The following BRF1 variants were observed in gnomAD, a reference collection of about 807,000 sequenced individuals.
BRF1 encodes BRF1 general transcription factor IIIB subunit, also known as transcription factor IIIB 90 kDa subunit.
BRF1 carries 59 observed loss-of-function variants against 81.7 expected under a neutral mutation model. That is an observed-to-expected ratio of 0.72 (90% CI 0.59 to 0.90). BRF1 has a LOEUF of 0.90. Among genes scored for constraint, BRF1 ranks in the 40% least tolerant of loss-of-function variants. The pLI, the probability that BRF1 is intolerant of heterozygous loss-of-function variation, is 0.00. For synonymous variants in BRF1, 491 were observed against 395.6 expected, an observed-to-expected ratio of 1.24 and a Z score of -2.86; for missense variants, 1,050 against 936.3, an observed-to-expected ratio of 1.12 and a Z score of -1.58.
At chr14:105,224,432 T>C (rs1172950250) in intron 10 of BRF1, among the ~76,000 whole-genome samples, 1 of 152,194 alleles carries the variant, frequency 6.6e-6, no homozygotes, top group Non-Finnish European at 1.5e-5. Flanking sequence ...CAATGGGATA[T>C]GTCCACCCTG....
intron 2 of BRF1, among the ~76,000 whole-genome samples, chr14:105,281,210 G>A (rs1353746810): frequency 7.0e-6 from 1 of 143,328 alleles, no homozygotes; most frequent in African/African-American, 2.6e-5. Flanking sequence ...GCCCGGGTGT[G>A]TGGATACAGC....
rs1051670572 is a variant in BRF1, at chr14:105,315,116, C to T, written c.-162+206G>A. The T allele has an allele frequency of 1.8e-5, 16 of 905,986 alleles. No homozygotes were observed. The highest frequency in any genetic ancestry group is 1.9e-5 in the Non-Finnish European group (14 of 746,006). 56.1% of individuals were successfully genotyped at this position (905,986 alleles called of 1,614,324 possible). On this transcript the variant is annotated intron_variant, in intron 1 of 17. Coordinates refer to the BRF1 transcript ENST00000327359. The surrounding 1 kb of genome is among the most constrained non-coding windows in gnomAD (Gnocchi z 4.4). ...TGGCCGCGGCCTCTGCGCGCCCCATCCCCGGCCCGGGTCCCCCAGCGGAGC... is the reference window on the plus strand; with the variant it reads ...TGGCCGCGGCCTCTGCGCGCCCCATTCCCGGCCCGGGTCCCCCAGCGGAGC...
chr14:105,303,667 C>G (rs2058098016), upstream of BRF1, among the ~76,000 whole-genome samples: 1 of 152,204 alleles, frequency 6.6e-6, no homozygotes, highest in East Asian at 1.9e-4. Flanking sequence ...CTGCACATTT[C>G]AATGTGCTGT....
At chr14:105,300,324 A>G in intron 1 of BRF1, 122 bp downstream of exon 1, 1 of 1,155,990 alleles carries the variant, frequency 8.7e-7, no homozygotes, top group Non-Finnish European at 1.1e-6. Context: ...CAGACGGCGC[A>G]GAACCGCGCG....
At chr14:105,264,211 C>T (rs995543742) in intron 3 of BRF1, among the ~76,000 whole-genome samples, 66 of 152,154 alleles carry the variant, frequency 4.3e-4, no homozygotes, top group African/African-American at 1.5e-3. Context: ...TGGCTCACAT[C>T]TATAATCCTA....
In BRF1 at chr14:105,210,834, TCC is replaced by T. The variant is rs1422140714; in HGVS notation, c.1997-248_1997-247del. Reference sequence around the variant, plus strand: ...GCAGTGTGGGCTCCCTCAGCCTCCCTCCCTGGGTGTGCAGGTCCGTGGTGGTG... The same window carrying T: ...GCAGTGTGGGCTCCCTCAGCCTCCCTCTGGGTGTGCAGGTCCGTGGTGGTG... On this transcript the variant is annotated intron_variant, in intron 17 of 17. Transcript: ENST00000547530. The surrounding 1 kb of genome is among the most constrained non-coding windows in gnomAD (Gnocchi z 4.7). Among the ~76,000 whole-genome samples, 1 of 152,028 alleles carries T rather than the reference TCC, an allele frequency of 6.6e-6. No homozygotes were observed. The highest frequency in any genetic ancestry group is 1.5e-5 in the Non-Finnish European group (1 of 68,004).
At chr14:105,291,257 G>A (rs751337324) in intron 1 of BRF1, among the ~76,000 whole-genome samples, 2 of 152,174 alleles carry the variant, frequency 1.3e-5, no homozygotes, top group African/African-American at 2.4e-5. Flanking sequence ...CCATACCGCC[G>A]AACAGACAGA....
intron 5 of BRF1, among the ~76,000 whole-genome samples, chr14:105,242,769 C>T (rs10162524): frequency 0.24 from 32,781 of 135,568 alleles, 4,353 homozygotes; most frequent in Middle Eastern, 0.3. Context: ...AAAAAAGATA[C>T]GCTTATAGAC....
intron 2 of BRF1, among the ~76,000 whole-genome samples, chr14:105,273,507 T>G (rs587749527): frequency 6.6e-6 from 1 of 152,246 alleles, no homozygotes; most frequent in East Asian, 1.9e-4. Flanking sequence ...TTACTGTGTC[T>G]ATGCAGAAAG....
chr14:105,228,806 T>C lies in BRF1; in HGVS notation c.788+14A>G. The stretch of plus-strand genomic sequence containing the variant: ...CTCTGTGTGGTCCCCATGCCATGAA[T>C]GAGAGCCCCTCACCTCTTCCGCAGC... On this transcript the variant is annotated intron_variant, in intron 7 of 17. Coordinates refer to ENST00000547530, the MANE Select transcript of BRF1 (RefSeq NM_001519.4). The C allele has an allele frequency of 1.9e-6, 3 of 1,613,154 alleles. No individual in the cohort carries two copies. The highest frequency in any genetic ancestry group is 2.5e-6 in the Non-Finnish European group (3 of 1,179,468).
intron 1 of BRF1, among the ~76,000 whole-genome samples, chr14:105,292,753 G>A (rs1595481285): frequency 6.6e-6 from 1 of 152,112 alleles, no homozygotes; most frequent in Non-Finnish European, 1.5e-5. Context: ...AAGCACGGCA[G>A]CCCACACCCC....
At position 105,309,776 on chromosome 14, in the gene BRF1, CTTTTTTTTTTT is replaced by C. The variant is rs928875653; in HGVS notation, c.-162+5535_-162+5545del. ...TTAAGGAGAAGGTGGTGATGTGTGT[CTTTTTTTTTTT>C]TTTTTTTTTTTTTTTTTAGACGGAG... On this transcript the variant is annotated intron_variant, in intron 1 of 17. Coordinates refer to the BRF1 transcript ENST00000327359. This position sits in a 1 kb window ranked among gnomAD's most constrained non-coding sequence, Gnocchi z 4.0. 1.1e-5 allele frequency among the ~76,000 whole-genome samples: 1 copy of C among 89,210 alleles called. No individual in the cohort carries two copies. The highest frequency in any genetic ancestry group is 2.1e-5 in the Non-Finnish European group (1 of 48,282). 58.5% of individuals were successfully genotyped at this position (89,210 alleles called of 152,430 possible). A position where few individuals can be genotyped will look rare whatever the true frequency, so the allele number is the denominator to read the frequency against.
chr14:105,211,062 G>A (rs994403080), intron 17 of BRF1, 60 bp downstream of exon 17: 10 of 1,591,450 alleles, frequency 6.3e-6, no homozygotes, highest in East Asian at 4.5e-5. Context: ...GGATCATGAG[G>A]GGCAGTAGCT....
At chr14:105,248,563 ACGGGCTCGGGCGGG>A (rs1452837791) in intron 5 of BRF1, 4 of 263,628 alleles carry the variant, frequency 1.5e-5, no homozygotes, top group African/African-American at 5.0e-5. Context: ...CGCGGCGGGT[ACGGGCTCGGGCGGG>A]CGGGCGGGCG....
chr14:105,254,502 C>T (rs2055770730), intron 4 of BRF1, among the ~76,000 whole-genome samples: 1 of 152,140 alleles, frequency 6.6e-6, no homozygotes, highest in South Asian at 2.1e-4. Flanking sequence ...CCTGATCTGC[C>T]CGCCTCGGCC....
chr14:105,262,149 A>G (rs942584770), intron 3 of BRF1, among the ~76,000 whole-genome samples: 1 of 152,194 alleles, frequency 6.6e-6, no homozygotes, highest in Non-Finnish European at 1.5e-5. Flanking sequence ...GGCCCCGCAC[A>G]TGCCTGGACG....
chr14:105,226,636 G>C lies in BRF1; in HGVS notation c.913C>G (p.Gln305Glu). The C allele has an allele frequency of 1.9e-6, 3 of 1,613,040 alleles. No homozygotes were observed. Among genetic ancestry groups the C allele is most frequent in the South Asian group, 1.1e-5 (1 of 91,086 alleles). The part of the protein sequence containing the change: ...TAGQRKLRMK[Q>E]LEQVLSKKLE... The stretch of plus-strand genomic sequence containing the variant: ...ACAGACACCAAAGCCGGCGCTACCT[G>C]CTTCATCCGCAGCTTCCTCTGCCCA... Residue 305 changes from glutamine (Q) to glutamate (E), a missense_variant and splice_region_variant, in exon 8 of 18, where the codon CAG becomes GAG. Physicochemically the swap from Gln to Glu is conservative, Grantham distance 29. Around this residue, in one of 2 missense-constraint regions of BRF1, gnomAD observed 1,043 missense variants for 915.4 expected, o/e 1.14. Transcript: ENST00000547530.
intron 5 of BRF1, among the ~76,000 whole-genome samples, chr14:105,246,104 A>G (rs949108447): frequency 6.6e-6 from 1 of 152,150 alleles, no homozygotes; most frequent in African/African-American, 2.4e-5. Context: ...GCACTTTTGT[A>G]ATCCCAGCTC....
At chr14:105,249,321 C>A in intron 5 of BRF1, 1 of 1,595,244 alleles carries the variant, frequency 6.3e-7, no homozygotes, top group Non-Finnish European at 8.5e-7. Flanking sequence ...ACGCAGCCTG[C>A]GGGAGAGCCA....
Sources: allele counts gnomAD v4.1 joint callset (sites outside exome capture counted in the v4.1 genomes callset), GRCh38; gene constraint gnomAD v4.1.1; regional missense constraint gnomAD v4.1.1; non-coding constraint Gnocchi (gnomAD v3.1); transcripts MANE v1.5; gene names NCBI Gene and HGNC (gene_info 2026-07-23, HGNC 2026-07-21).